The following TSBP1 variants were observed in gnomAD, a reference collection of about 807,000 sequenced individuals.
TSBP1 encodes the protein testis expressed basic protein 1, also known as testis-expressed basic protein 1.
Under a neutral mutation model 68.8 loss-of-function variants are expected in TSBP1, and 56 were observed. The observed-to-expected ratio is 0.81, with a 90% confidence interval of 0.66 to 1.02. The LOEUF (loss-of-function observed/expected upper bound fraction) is 1.02, where lower values mean the gene tolerates loss of function less well. Among genes scored for constraint, TSBP1 ranks in the 50% least tolerant of loss-of-function variants. The pLI is 0.00. For synonymous variants in TSBP1, 171 were observed against 208.7 expected, an observed-to-expected ratio of 0.82 and a Z score of 1.56; for missense variants, 502 against 641.2, an observed-to-expected ratio of 0.78 and a Z score of 2.34.
intron 16 of TSBP1, 123 bp downstream of exon 17, chr6:32,330,466 G>T: frequency 1.2e-6 from 1 of 807,122 alleles, no homozygotes. Flanking sequence ...ATAAAAACAT[G>T]TGTAAAATAA....
chr6:32,294,117 CT>C, intron 22 of TSBP1, 82 bp from the exon 26 acceptor site: 3 of 1,558,898 alleles, frequency 1.9e-6, no homozygotes, highest in Non-Finnish European at 2.6e-6. Context: ...ATACTGGTTC[CT>C]TTTTTGTCTT....
intron 16 of TSBP1, among the ~76,000 whole-genome samples, chr6:32,327,961 A>G (rs1231946848): frequency 7.2e-6 from 1 of 139,082 alleles, no homozygotes; most frequent in Non-Finnish European, 1.5e-5. Flanking sequence ...CCGACTTATT[A>G]TTATTTTTTT....
At chr6:32,327,725 C>G (rs1297416517) in intron 16 of TSBP1, among the ~76,000 whole-genome samples, 1 of 149,600 alleles carries the variant, frequency 6.7e-6, no homozygotes, top group Non-Finnish European at 1.5e-5. Flanking sequence ...ATGACCTCAG[C>G]TCACTGCAAC....
At chr6:32,360,998 T>C (rs975145485) in intron 6 of TSBP1, among the ~76,000 whole-genome samples, 86 of 152,186 alleles carry the variant, frequency 5.7e-4, no homozygotes, top group African/African-American at 1.8e-3. Flanking sequence ...TCATTTACAT[T>C]AGGTATTTCT....
chr6:32,307,148 G>A (rs1277704037), intron 19 of TSBP1, among the ~76,000 whole-genome samples: 1 of 151,970 alleles, frequency 6.6e-6, no homozygotes, highest in Non-Finnish European at 1.5e-5. Context: ...TTGAGCTCAT[G>A]TTTAGTTCAT....
rs534933324 is a variant in TSBP1, at chr6:32,339,499, C to T, written c.388+101G>A. 1.2e-4 allele frequency: 92 copies of T among 759,480 alleles called. 1 individual carries two copies. Among genetic ancestry groups the T allele is most frequent in the South Asian group, 1.2e-3 (87 of 73,314 alleles). The allele number at this position is 759,480 out of a possible 1,614,324, so 47.0% of individuals were successfully genotyped here. ...ATTATAGAATATCAAAATCATTACA[C>T]ATGGTATGCATGTATCAAAATATCA... On this transcript the variant is annotated intron_variant, in intron 10 of 22. Transcript: ENST00000612031.
At chr6:32,367,421 A>C (rs1237541120) in intron 4 of TSBP1, among the ~76,000 whole-genome samples, 1 of 152,032 alleles carries the variant, frequency 6.6e-6, no homozygotes. Flanking sequence ...TAGACAGCGC[A>C]TTGCCGTCTT....
At chr6:32,293,898 A>G (rs1487950555) in exon 23 of TSBP1, 3 of 1,612,770 alleles carry the variant, frequency 1.9e-6, no homozygotes, top group Non-Finnish European at 2.5e-6. Context: ...GAATTCGTAA[A>G]TATGATGTCA....
At chr6:32,359,069 T>TC (rs2127645474) in intron 6 of TSBP1, among the ~76,000 whole-genome samples, 1 of 81,514 alleles carries the variant, frequency 1.2e-5, no homozygotes, top group East Asian at 3.2e-4. Flanking sequence ...CCCTCCCCCC[T>TC]CCCCCCACCC....
At chr6:32,294,191 T>A in intron 22 of TSBP1, 156 bp from the exon 26 acceptor site, 1 of 776,964 alleles carries the variant, frequency 1.3e-6, no homozygotes, top group Non-Finnish European at 2.1e-6. Context: ...TCTCTGTACA[T>A]AAAATTATAA....
At chr6:32,349,071 G>C (rs1404898041) in intron 9 of TSBP1, among the ~76,000 whole-genome samples, 1 of 152,026 alleles carries the variant, frequency 6.6e-6, no homozygotes, top group Non-Finnish European at 1.5e-5. Flanking sequence ...ATGTTCCTTA[G>C]TTCTGTGACA....
At chr6:32,309,049 G>A (rs551802946) in intron 19 of TSBP1, among the ~76,000 whole-genome samples, 71 of 147,120 alleles carry the variant, frequency 4.8e-4, no homozygotes, top group African/African-American at 1.7e-3. Flanking sequence ...TCCCAGGCTC[G>A]AGCAATCCTC....
chr6:32,363,064 T>A (rs560662576), intron 6 of TSBP1, among the ~76,000 whole-genome samples: 1 of 152,210 alleles, frequency 6.6e-6, no homozygotes, highest in South Asian at 2.1e-4. Flanking sequence ...TATGTGCATA[T>A]GTACTTATAA....
At chr6:32,342,933 T>C (rs949720609) in intron 9 of TSBP1, among the ~76,000 whole-genome samples, 2 of 152,096 alleles carry the variant, frequency 1.3e-5, no homozygotes, top group African/African-American at 4.8e-5. Context: ...TATTTAAAGA[T>C]GTAGAAGAGA....
At chr6:32,349,960 G>T in intron 8 of TSBP1, 200 bp from the exon 9 acceptor site, 1 of 765,896 alleles carries the variant, frequency 1.3e-6, no homozygotes, top group South Asian at 1.4e-5. Context: ...GTGGTAAGGT[G>T]GGACTACAAG....
intron 9 of TSBP1, among the ~76,000 whole-genome samples, chr6:32,342,901 G>A (rs1014271690): frequency 3.3e-5 from 5 of 152,182 alleles, no homozygotes; most frequent in Admixed American, 6.5e-5. Context: ...ACCTTAAGGA[G>A]AAGCAGTTAA....
At chr6:32,341,158 G>A (rs1030569840) in intron 9 of TSBP1, among the ~76,000 whole-genome samples, 3 of 152,080 alleles carry the variant, frequency 2.0e-5, no homozygotes, top group Non-Finnish European at 2.9e-5. Flanking sequence ...AAATAAGCAG[G>A]GCAGTGGAAG....
intron 10 of TSBP1, chr6:32,339,361 C>T: frequency 1.6e-6 from 1 of 620,312 alleles, no homozygotes; most frequent in Middle Eastern, 4.5e-4. Flanking sequence ...TGAAATCAGT[C>T]TCAAATTCCT....
chr6:32,371,654 C>G, intron 1 of TSBP1, 40 bp downstream of exon 1: 1 of 1,460,342 alleles, frequency 6.8e-7, no homozygotes, highest in Non-Finnish European at 9.6e-7. Flanking sequence ...TCCTGAACTA[C>G]TAGAGTTGAG....
Sources: allele counts gnomAD v4.1 joint callset (sites outside exome capture counted in the v4.1 genomes callset), GRCh38; gene constraint gnomAD v4.1.1; transcripts MANE v1.5; gene names NCBI Gene and HGNC (gene_info 2026-07-23, HGNC 2026-07-21).